PRKG1: variants seen among roughly 807,000 people sequenced by gnomAD.
PRKG1 encodes the protein cGMP-dependent protein kinase 1.
Under a neutral mutation model 88.1 loss-of-function variants are expected in PRKG1, and 35 were observed. That is an observed-to-expected ratio of 0.40 (90% confidence interval 0.30 to 0.53). The LOEUF is 0.53. Ranked by LOEUF, PRKG1 falls within the 20% of genes least tolerant of loss-of-function variation. The pLI is 0.59. For synonymous variants in PRKG1, 303 were observed against 292.5 expected, an observed-to-expected ratio of 1.04 and a Z score of -0.37; for missense variants, 540 against 839.8, an observed-to-expected ratio of 0.64 and a Z score of 4.41.
chr10:51,981,572 C>A (rs963164643), intron 5 of PRKG1, among the ~76,000 whole-genome samples: 1 of 151,868 alleles, frequency 6.6e-6, no homozygotes, highest in African/African-American at 2.4e-5. Context: ...GGTGACAGAA[C>A]AAGACTCTGT....
At chr10:52,136,394 T>A (rs778100090) in intron 8 of PRKG1, among the ~76,000 whole-genome samples, 2 of 152,058 alleles carry the variant, frequency 1.3e-5, no homozygotes, top group Non-Finnish European at 2.9e-5. Context: ...AGGATCGTTG[T>A]GGGAACTTAG....
chr10:51,211,763 T>C (rs796377864), intron 2 of PRKG1, among the ~76,000 whole-genome samples: 4 of 152,150 alleles, frequency 2.6e-5, no homozygotes, highest in East Asian at 1.9e-4. Context: ...TTACGAGGGA[T>C]GTGAAGGACC....
chr10:51,617,888 A>G (rs1439037211), intron 3 of PRKG1, among the ~76,000 whole-genome samples: 2 of 152,220 alleles, frequency 1.3e-5, no homozygotes, highest in African/African-American at 4.8e-5. Flanking sequence ...GCATCCAGCT[A>G]AAATGTAAGA....
At chr10:51,165,651 A>G (rs1256832798) in intron 2 of PRKG1, among the ~76,000 whole-genome samples, 1 of 152,118 alleles carries the variant, frequency 6.6e-6, no homozygotes, top group East Asian at 1.9e-4. Context: ...CAGGAAACCC[A>G]TCTCACGTGC....
intron 9 of PRKG1, among the ~76,000 whole-genome samples, chr10:52,187,200 G>C (rs1463729278): frequency 2.0e-5 from 3 of 152,030 alleles, no homozygotes; most frequent in East Asian, 3.9e-4. Context: ...TGTTAGACTT[G>C]GTAAATTTAC....
intron 5 of PRKG1, among the ~76,000 whole-genome samples, chr10:51,942,962 G>T (rs1166679098): frequency 6.6e-6 from 1 of 151,736 alleles, no homozygotes; most frequent in Non-Finnish European, 1.5e-5. Context: ...ATATGAATTT[G>T]AAAGTAGTTT....
At chr10:51,573,581 A>G (rs994954509) in intron 3 of PRKG1, among the ~76,000 whole-genome samples, 1 of 151,870 alleles carries the variant, frequency 6.6e-6, no homozygotes, top group Non-Finnish European at 1.5e-5. Flanking sequence ...CATGAAGCTA[A>G]TAAACCTTAA....
At chr10:51,868,415 A>G (rs1460056413) in intron 4 of PRKG1, among the ~76,000 whole-genome samples, 1 of 152,204 alleles carries the variant, frequency 6.6e-6, no homozygotes, top group Non-Finnish European at 1.5e-5. Context: ...AATAAGAAGC[A>G]TGGTAGCATT....
At chr10:51,276,932 G>T (rs1664980524) in intron 2 of PRKG1, among the ~76,000 whole-genome samples, 1 of 152,148 alleles carries the variant, frequency 6.6e-6, no homozygotes. Flanking sequence ...TCTGATGGTA[G>T]TTTCTTTTGC....
chr10:51,068,251 G>T (rs552480705), intron 1 of PRKG1, among the ~76,000 whole-genome samples: 1 of 152,084 alleles, frequency 6.6e-6, no homozygotes, highest in South Asian at 2.1e-4. Flanking sequence ...TTGAAGCTAG[G>T]TGATATTTAC....
chr10:51,882,081 AT>A (rs1334792469), intron 4 of PRKG1, among the ~76,000 whole-genome samples: 1 of 152,218 alleles, frequency 6.6e-6, no homozygotes, highest in African/African-American at 2.4e-5. Context: ...AGTTTAAAGC[AT>A]AAAAAAAGTC....
At chr10:52,103,986 A>ATG (rs142403838) in intron 7 of PRKG1, among the ~76,000 whole-genome samples, 25,909 of 143,922 alleles carry the variant, frequency 0.18, 2,545 homozygotes, top group South Asian at 0.29. Context: ...TTATGACTTC[A>ATG]TGTGTGTGTG....
intron 3 of PRKG1, among the ~76,000 whole-genome samples, chr10:51,551,228 C>T (rs966009535): frequency 6.6e-6 from 1 of 151,826 alleles, no homozygotes; most frequent in Non-Finnish European, 1.5e-5. Flanking sequence ...ATATGGACCT[C>T]AAACATATGG....
chr10:52,145,486 C>T (rs2132657619), intron 8 of PRKG1, among the ~76,000 whole-genome samples: 1 of 151,928 alleles, frequency 6.6e-6, no homozygotes, highest in South Asian at 2.1e-4. Flanking sequence ...ATCTCTTTAC[C>T]TTTTTTATGT....
chr10:51,442,941 T>C (rs975006867), intron 2 of PRKG1, among the ~76,000 whole-genome samples: 1 of 151,954 alleles, frequency 6.6e-6, no homozygotes, highest in Non-Finnish European at 1.5e-5. Flanking sequence ...AGGCATAGAG[T>C]TACCTGGATA....
intron 3 of PRKG1, among the ~76,000 whole-genome samples, chr10:51,627,978 TTCTTTCTTTCTTTC>T (rs1564579719): frequency 2.5e-4 from 8 of 31,894 alleles, no homozygotes; most frequent in African/African-American, 8.2e-4. Flanking sequence ...TTCTCTTTCT[TTCTTTCTTTCTTTC>T]TCTCTCTCTC....
chr10:51,895,697 G>A lies in PRKG1; in HGVS notation c.699-11810G>A, dbSNP rs963809087. Among the ~76,000 whole-genome samples, 7 of 152,092 alleles carry A rather than the reference G, an allele frequency of 4.6e-5. No homozygotes were observed. In the South Asian group the frequency reaches 6.2e-4, roughly 14 times the overall value. On this transcript the variant is annotated intron_variant, in intron 4 of 17. Coordinates refer to ENST00000373980, the MANE Select transcript of PRKG1 (RefSeq NM_006258.4). Reference sequence around the variant, plus strand: ...CCAAGCAGGTGGTTAGGCTCTTTCCGTCTATTGGTCTCAGGGTTTTTGGTC... The same window carrying A: ...CCAAGCAGGTGGTTAGGCTCTTTCCATCTATTGGTCTCAGGGTTTTTGGTC...
chr10:52,103,960 A>G (rs920928061), intron 7 of PRKG1, among the ~76,000 whole-genome samples: 12 of 149,556 alleles, frequency 8.0e-5, no homozygotes, highest in African/African-American at 2.4e-5. Flanking sequence ...TCTGTGACCA[A>G]ATGAGCTCTC....
intron 1 of PRKG1, among the ~76,000 whole-genome samples, chr10:51,126,088 A>G (rs111218070): frequency 8.5e-6 from 1 of 117,832 alleles, no homozygotes; most frequent in Non-Finnish European, 1.6e-5. Flanking sequence ...TTATATAATT[A>G]TATAATAATA....
Sources: gnomAD v4.1 joint callset for allele counts (sites outside exome capture counted in the v4.1 genomes callset) on GRCh38, gnomAD v4.1.1 for gene constraint, MANE v1.5 for transcripts, NCBI Gene and HGNC (gene_info 2026-07-23, HGNC 2026-07-21) for gene names.